The following KREMEN1 variants were observed in gnomAD, a reference collection of about 807,000 sequenced individuals.
KREMEN1 encodes kremen protein 1.
Under a neutral mutation model 46.5 loss-of-function variants are expected in KREMEN1, and 30 were observed. The ratio of observed to expected loss-of-function variants is 0.65; its 90% CI spans 0.48 to 0.88. The LOEUF (loss-of-function observed/expected upper bound fraction) is 0.88, where lower values mean the gene tolerates loss of function less well. Ranked by LOEUF, KREMEN1 falls within the 40% of genes least tolerant of loss-of-function variation. KREMEN1 has a pLI of 0.00. For missense variants in KREMEN1, 533 were observed against 596.9 expected (o/e 0.89, Z 1.11); for synonymous variants, 214 against 230.6 (o/e 0.93, Z 0.65).
chr22:29,077,530 G>A (rs2037592558), intron 1 of KREMEN1, among the ~76,000 whole-genome samples: 1 of 152,300 alleles, frequency 6.6e-6, no homozygotes, highest in Non-Finnish European at 1.5e-5. Context: ...TTTATTTTTA[G>A]TAGAGACGGG....
chr22:29,096,882 A>G (rs2037890844), intron 2 of KREMEN1, among the ~76,000 whole-genome samples: 1 of 152,242 alleles, frequency 6.6e-6, no homozygotes, highest in South Asian at 2.1e-4. Context: ...TGATTTCTCA[A>G]CTGACACCCG....
intron 5 of KREMEN1, among the ~76,000 whole-genome samples, chr22:29,127,936 T>C (rs191267788): frequency 6.6e-6 from 1 of 152,254 alleles, no homozygotes; most frequent in Non-Finnish European, 1.5e-5. Flanking sequence ...TGCTACAACA[T>C]GGATGAACCT....
At chr22:29,158,580 GT>G in intron 9 of KREMEN1, among the ~76,000 whole-genome samples, 1 of 152,312 alleles carries the variant, frequency 6.6e-6, no homozygotes, top group South Asian at 2.1e-4. Flanking sequence ...GGCCCTAGCT[GT>G]CACTGTCTTG....
At position 29,143,468 on chromosome 22, in the gene KREMEN1, C is replaced by T. The variant is rs138894698; in HGVS notation, c.*1356C>T. 1.4e-5 allele frequency: 14 copies of T among 985,370 alleles called. No individual in the cohort carries two copies. The highest frequency in any genetic ancestry group is 9.4e-5 in the South Asian group (2 of 21,294). The allele number at this position is 985,370 out of a possible 1,614,324, so 61.0% of individuals were successfully genotyped here. A position where few individuals can be genotyped will look rare whatever the true frequency, so the allele number is the denominator to read the frequency against. On this transcript the variant is annotated 3_prime_UTR_variant, in exon 9 of 9. Coordinates refer to ENST00000400335, the MANE Select transcript of KREMEN1 (RefSeq NM_001039570.3). Reference sequence around the variant, plus strand: ...GATAAAAAACACCCCAAGGGCCGGGCGCGGTGGCTCATGCCTGTAATCCCA... The same window carrying T: ...GATAAAAAACACCCCAAGGGCCGGGTGCGGTGGCTCATGCCTGTAATCCCA...
At chr22:29,133,794 T>C (rs550549478) in intron 5 of KREMEN1, among the ~76,000 whole-genome samples, 1 of 152,340 alleles carries the variant, frequency 6.6e-6, no homozygotes, top group African/African-American at 2.4e-5. Context: ...AAACATTTCT[T>C]CTGTTCCATT....
chr22:29,121,300 T>C (rs2038352228), intron 3 of KREMEN1, 57 bp from the exon 4 acceptor site: 1 of 1,603,004 alleles, frequency 6.2e-7, no homozygotes, highest in Non-Finnish European at 8.5e-7. Context: ...CGCTTTTCCT[T>C]CTTGGTGTTT....
intron 3 of KREMEN1, among the ~76,000 whole-genome samples, chr22:29,108,995 G>C (rs2038102386): frequency 6.6e-6 from 1 of 152,108 alleles, no homozygotes; most frequent in Non-Finnish European, 1.5e-5. Context: ...TTGCTATGTT[G>C]CCCAGGCTGG....
intron 5 of KREMEN1, among the ~76,000 whole-genome samples, chr22:29,133,685 G>A (rs2038607356): frequency 6.6e-6 from 1 of 151,510 alleles, no homozygotes; most frequent in Non-Finnish European, 1.5e-5. Context: ...TTTTGTTTTT[G>A]TTTTTAATTT....
rs369705403 is a variant in KREMEN1, at chr22:29,142,000, C to T, written c.1265C>T (p.Ser422Leu). The T allele has an allele frequency of 1.4e-4, 227 of 1,613,114 alleles. No individual in the cohort carries two copies. The highest frequency in any genetic ancestry group is 1.7e-4 in the Non-Finnish European group (205 of 1,179,594). ...DLRDCHQPGT[S>L]GEIWSIFYKP... is the part of the protein sequence containing the mutation. ...AGGGATTGTCATCAACCAGGGACTT[C>T]GGGGGAAATCTGGAGCATTTTTTAC... The change falls in exon 9 of 9, where the codon TCG becomes TTG. Residue 422 changes from serine (S) to leucine (L), a missense_variant. By Grantham distance (145) the Ser-to-Leu change is moderately radical. Transcript: ENST00000400335.
chr22:29,079,447 T>A (rs1216176812), intron 1 of KREMEN1, among the ~76,000 whole-genome samples: 1 of 152,260 alleles, frequency 6.6e-6, no homozygotes, highest in East Asian at 1.9e-4. Flanking sequence ...GGATTTAATC[T>A]CTGGCAAGTA....
At chr22:29,074,763 G>T (rs546055032) in intron 1 of KREMEN1, among the ~76,000 whole-genome samples, 1 of 152,300 alleles carries the variant, frequency 6.6e-6, no homozygotes, top group African/African-American at 2.4e-5. Flanking sequence ...GCTAGGACTT[G>T]GTGTTGTCAC....
At position 29,125,418 on chromosome 22, in the gene KREMEN1, T is replaced by A. The variant is rs1443344983; in HGVS notation, c.631+2T>A. ...ATGGCAGGATCATCCTCTTTGATAGTGAGTATGCCCTGTGCCCATCACTGC... is the reference window on the plus strand; with the variant it reads ...ATGGCAGGATCATCCTCTTTGATAGAGAGTATGCCCTGTGCCCATCACTGC... On this transcript the variant is annotated splice_donor_variant, in intron 5 of 8. Coordinates refer to ENST00000400335, the MANE Select transcript of KREMEN1 (RefSeq NM_001039570.3). LOFTEE classifies it high-confidence loss of function. 1 of 1,613,960 alleles carries A rather than the reference T, an allele frequency of 6.2e-7. No homozygotes were observed.
chr22:29,139,326 G>T (rs964128231), intron 7 of KREMEN1, among the ~76,000 whole-genome samples: 4 of 152,230 alleles, frequency 2.6e-5, no homozygotes, highest in African/African-American at 9.6e-5. Flanking sequence ...GCAGGGCCAG[G>T]TGCAGTGGCT....
intron 5 of KREMEN1, among the ~76,000 whole-genome samples, chr22:29,130,360 A>T (rs1173344837): frequency 1.3e-5 from 2 of 152,096 alleles, no homozygotes; most frequent in Non-Finnish European, 2.9e-5. Context: ...CATTTCATAG[A>T]CTCTAAGATG....
intron 1 of KREMEN1, among the ~76,000 whole-genome samples, chr22:29,080,781 A>G (rs77320622): frequency 0.035 from 5,268 of 152,198 alleles, 252 homozygotes; most frequent in South Asian, 0.19. Context: ...TGTCACAACT[A>G]AAGAGGTACT....
At chr22:29,112,136 T>C (rs898799524) in intron 3 of KREMEN1, among the ~76,000 whole-genome samples, 3 of 152,174 alleles carry the variant, frequency 2.0e-5, no homozygotes, top group Non-Finnish European at 4.4e-5. Flanking sequence ...ACCAGCAGAA[T>C]TGGCTCATTC....
intron 9 of KREMEN1, among the ~76,000 whole-genome samples, chr22:29,152,228 T>A (rs2038920026): frequency 6.6e-6 from 1 of 152,186 alleles, no homozygotes. Flanking sequence ...TGGTCTGCAC[T>A]GCAGGGGAGG....
intron 7 of KREMEN1, 181 bp downstream of exon 7, chr22:29,138,963 C>T: frequency 1.1e-6 from 1 of 871,280 alleles, no homozygotes; most frequent in Non-Finnish European, 1.8e-6. Context: ...TAGCTTGGTT[C>T]CTTAGTCCTG....
chr22:29,106,218 C>CT (rs36063476), intron 3 of KREMEN1, among the ~76,000 whole-genome samples: 112 of 143,218 alleles, frequency 7.8e-4, no homozygotes, highest in African/African-American at 1.2e-3. Flanking sequence ...TTCACATTAT[C>CT]TTTTTTTTTT....
Sources: gnomAD v4.1 joint callset for allele counts (sites outside exome capture counted in the v4.1 genomes callset) on GRCh38, gnomAD v4.1.1 for gene constraint, MANE v1.5 for transcripts, NCBI Gene and HGNC (gene_info 2026-07-23, HGNC 2026-07-21) for gene names.